GRIN2A: variants seen among roughly 807,000 people sequenced by gnomAD.
The protein encoded by GRIN2A is glutamate ionotropic receptor NMDA type subunit 2A, also known as glutamate receptor ionotropic, NMDA 2A.
GRIN2A carries 22 observed loss-of-function variants against 113.4 expected under a neutral mutation model. The ratio of observed to expected loss-of-function variants is 0.19; its 90% CI spans 0.14 to 0.28. The LOEUF (loss-of-function observed/expected upper bound fraction) is 0.28, where lower values mean the gene tolerates loss of function less well. Among genes scored for constraint, GRIN2A ranks in the 10% least tolerant of loss-of-function variants. GRIN2A has a pLI of 1.00. For missense variants in GRIN2A, 1,502 were observed against 1,887.0 expected (o/e 0.80, Z 3.78); for synonymous variants, 827 against 738.4 (o/e 1.12, Z -1.94).
chr16:10,028,892 G>T (rs1378160610), intron 2 of GRIN2A, among the ~76,000 whole-genome samples: 1 of 152,194 alleles, frequency 6.6e-6, no homozygotes, highest in African/African-American at 2.4e-5. Flanking sequence ...CCCAAATTGG[G>T]CTGGAGAACC....
At chr16:9,778,922 A>C (rs1402716723) in intron 11 of GRIN2A, among the ~76,000 whole-genome samples, 1 of 152,196 alleles carries the variant, frequency 6.6e-6, no homozygotes, top group African/African-American at 2.4e-5. Context: ...GTGCAAATTC[A>C]ATACACCACC....
chr16:9,924,470 A>C (rs2044418194), intron 3 of GRIN2A, among the ~76,000 whole-genome samples: 1 of 152,174 alleles, frequency 6.6e-6, no homozygotes, highest in Non-Finnish European at 1.5e-5. Flanking sequence ...ACAGCTTTCA[A>C]CTGTGGTATA....
chr16:10,036,437 C>CTTTTTTTTTTTTT (rs1360199200), intron 2 of GRIN2A, among the ~76,000 whole-genome samples: 1 of 92,670 alleles, frequency 1.1e-5, no homozygotes, highest in African/African-American at 4.2e-5. Context: ...TTAGTACTTA[C>CTTTTTTTTTTTTT]TTTTTTTTTT....
At chr16:9,967,547 A>G (rs1372243904) in intron 2 of GRIN2A, among the ~76,000 whole-genome samples, 1 of 152,224 alleles carries the variant, frequency 6.6e-6, no homozygotes, top group East Asian at 1.9e-4. Context: ...TCTACTAAAA[A>G]TACAAAAATT....
chr16:9,914,938 T>G (rs2044216117), intron 3 of GRIN2A, among the ~76,000 whole-genome samples: 1 of 97,000 alleles, frequency 1.0e-5, no homozygotes, highest in African/African-American at 4.3e-5. Flanking sequence ...TTTTTTTTTT[T>G]TTTTTTTTTT....
At chr16:9,919,377 T>G (rs2044315679) in intron 3 of GRIN2A, among the ~76,000 whole-genome samples, 1 of 152,144 alleles carries the variant, frequency 6.6e-6, no homozygotes, top group Admixed American at 6.5e-5. Context: ...ACACTTGCCA[T>G]ATATCATATA....
chr16:9,806,534 C>T (rs1309494779), intron 10 of GRIN2A, among the ~76,000 whole-genome samples: 1 of 151,500 alleles, frequency 6.6e-6, no homozygotes, highest in African/African-American at 2.4e-5. Context: ...AAGACAGAGG[C>T]AGAGAGAAGC....
intron 4 of GRIN2A, among the ~76,000 whole-genome samples, chr16:9,855,474 G>A (rs1041091920): frequency 6.6e-6 from 1 of 152,206 alleles, no homozygotes; most frequent in African/African-American, 2.4e-5. Flanking sequence ...GGAGATCTGA[G>A]TTTCTTCAAT....
chr16:10,105,020 C>T (rs139017923), intron 2 of GRIN2A, among the ~76,000 whole-genome samples: 3 of 152,246 alleles, frequency 2.0e-5, no homozygotes, highest in South Asian at 2.1e-4. Flanking sequence ...ATTCGTTACA[C>T]AAAAAAGTCT....
chr16:9,865,423 CT>C (rs539712806), intron 4 of GRIN2A, among the ~76,000 whole-genome samples: 96 of 152,300 alleles, frequency 6.3e-4, no homozygotes, highest in Non-Finnish European at 1.2e-3. Context: ...CTCAGCATTG[CT>C]TTTCCCACTG....
intron 2 of GRIN2A, among the ~76,000 whole-genome samples, chr16:10,077,324 T>C (rs889082947): frequency 1.3e-5 from 2 of 152,342 alleles, no homozygotes; most frequent in South Asian, 4.1e-4. Flanking sequence ...GTAACAGGCA[T>C]CTCAAGTCTA....
chr16:10,172,603 G>A (rs774165474), intron 2 of GRIN2A, among the ~76,000 whole-genome samples: 1 of 152,250 alleles, frequency 6.6e-6, no homozygotes, highest in Non-Finnish European at 1.5e-5. Flanking sequence ...CAGTGGGAGG[G>A]CAGGGATCGT....
At position 9,760,617 on chromosome 16, in the gene GRIN2A, C is replaced by T. The variant is rs565759789; in HGVS notation, c.*2532G>A. The T allele has an allele frequency of 1.4e-5, 3 of 221,932 alleles. No individual in the cohort carries two copies. The highest frequency in any genetic ancestry group is 3.7e-4 in the South Asian group (2 of 5,410). 13.7% of individuals were successfully genotyped at this position (221,932 alleles called of 1,614,324 possible). On this transcript the variant is annotated 3_prime_UTR_variant, in exon 13 of 13. Coordinates refer to ENST00000330684, the MANE Select transcript of GRIN2A (RefSeq NM_001134407.3). ...GGGGTTAATAGCAGAAATAATGCTG[C>T]TGTTAGGGGAAGGCTTTCTGACCGA...
intron 2 of GRIN2A, among the ~76,000 whole-genome samples, chr16:9,947,349 T>C (rs1567193727): frequency 1.3e-5 from 2 of 152,170 alleles, no homozygotes; most frequent in Non-Finnish European, 2.9e-5. Flanking sequence ...TTGCCACCAA[T>C]AATAATCGCT....
At position 9,768,992 on chromosome 16, in the gene GRIN2A, C is replaced by T. The variant is rs762596013; in HGVS notation, c.2454G>A (p.Ala818=). Residue 818 remains alanine (A), a synonymous_variant, in exon 12 of 13, where the codon GCG becomes GCA. Transcript: ENST00000330684. ...CGGCAGCCAGCATGTAGAATACGCCCGCCATGTTGTCAATGTCCAGCTGGC... is the reference window on the plus strand; with the variant it reads ...CGGCAGCCAGCATGTAGAATACGCCTGCCATGTTGTCAATGTCCAGCTGGC... ...MSSQLDIDNM[A]GVFYMLAAAM... is the part of the protein sequence containing the mutation. 4.3e-6 allele frequency: 7 copies of T among 1,614,132 alleles called. No homozygotes were observed. Among genetic ancestry groups the T allele is most frequent in the East Asian group, 2.2e-5 (1 of 44,864 alleles).
chr16:9,869,034 G>C (rs1261668587), intron 4 of GRIN2A, among the ~76,000 whole-genome samples: 1 of 152,148 alleles, frequency 6.6e-6, no homozygotes, highest in Non-Finnish European at 1.5e-5. Context: ...ACACTCATCT[G>C]TCTGCCCCAG....
At chr16:9,796,310 A>G (rs903607579) in intron 11 of GRIN2A, among the ~76,000 whole-genome samples, 3 of 152,170 alleles carry the variant, frequency 2.0e-5, no homozygotes, top group Non-Finnish European at 4.4e-5. Context: ...TTATTGACCA[A>G]TTTACCTGTG....
chr16:10,152,658 G>A (rs987299817), intron 2 of GRIN2A, among the ~76,000 whole-genome samples: 1 of 152,138 alleles, frequency 6.6e-6, no homozygotes. Flanking sequence ...TTAAATCCAT[G>A]TCACCTTCTT....
intron 2 of GRIN2A, among the ~76,000 whole-genome samples, chr16:10,055,672 G>T (rs2047446646): frequency 1.3e-5 from 2 of 152,150 alleles, no homozygotes; most frequent in African/African-American, 4.8e-5. Flanking sequence ...ATCAGAATAG[G>T]TGCTTTTAAA....
Sources: gnomAD v4.1 joint callset for allele counts (sites outside exome capture counted in the v4.1 genomes callset) on GRCh38, gnomAD v4.1.1 for gene constraint, MANE v1.5 for transcripts, NCBI Gene and HGNC (gene_info 2026-07-23, HGNC 2026-07-21) for gene names.